Variants in DTWD1 observed in about 807,000 individuals in gnomAD.
DTWD1 encodes the protein tRNA-uridine aminocarboxypropyltransferase 1.
A neutral mutation model predicts 30.2 loss-of-function variants in DTWD1; 27 were observed. The ratio of observed to expected loss-of-function variants is 0.90; its 90% CI spans 0.66 to 1.23. The LOEUF is 1.23. Among genes scored for constraint, DTWD1 ranks in the 50% most tolerant of loss-of-function variants. The pLI, the probability that DTWD1 is intolerant of heterozygous loss-of-function variation, is 0.00. For missense variants in DTWD1, 342 were observed against 348.8 expected, an observed-to-expected ratio of 0.98 and a Z score of 0.15; for synonymous variants, 99 against 113.1, an observed-to-expected ratio of 0.88 and a Z score of 0.79.
intron 3 of DTWD1, among the ~76,000 whole-genome samples, chr15:49,633,101 T>A (rs1428400273): frequency 7.0e-6 from 1 of 143,538 alleles, no homozygotes; most frequent in East Asian, 2.0e-4. Flanking sequence ...ATATAAAAAA[T>A]TATGTTTGTA....
rs891410400 is a variant in DTWD1 at position 49,625,186 on chromosome 15, A to G, written c.19A>G (p.Ile7Val). 5.0e-6 allele frequency: 8 copies of G among 1,613,284 alleles called. No homozygotes were observed. Among genetic ancestry groups the G allele is most frequent in the Non-Finnish European group, 6.8e-6 (8 of 1,179,556 alleles). The stretch of plus-strand genomic sequence containing the variant: ...ATGAAGAATGTCTCTCAATCCACCT[A>G]TATTTCTCAAACGAAGTGAAGAAAA... MSLNPP[I>V]FLKRSEENSS... The change falls in exon 2 of 5, where the codon ATA becomes GTA. Residue 7 changes from isoleucine (I) to valine (V), a missense_variant. Coordinates refer to ENST00000403028, the MANE Select transcript of DTWD1 (RefSeq NM_001144955.2).
chr15:49,634,263 C>T (rs2078970710), intron 3 of DTWD1, among the ~76,000 whole-genome samples: 1 of 151,994 alleles, frequency 6.6e-6, no homozygotes, highest in Non-Finnish European at 1.5e-5. Flanking sequence ...ATAATTTAGT[C>T]TTTTTATTTC....
At position 49,641,288 on chromosome 15, in the gene DTWD1, T is replaced by C. The variant is rs1381302481; in HGVS notation, c.668-2043T>C. Among the ~76,000 whole-genome samples the C allele has an allele frequency of 3.9e-5, 6 of 152,086 alleles. No individual in the cohort carries two copies. The East Asian group carries it at 1.2e-3, about 29-fold the overall frequency. On this transcript the variant is annotated intron_variant, in intron 4 of 4. Coordinates refer to ENST00000403028, the MANE Select transcript of DTWD1 (RefSeq NM_001144955.2). ...GTTTCTTTTTTTGATTGAGGTTTTT[T>C]CTTATTCTATTTTTATTCCTATTTC...
At chr15:49,629,838 G>A (rs2078895001) in intron 2 of DTWD1, 2 of 152,190 alleles carry the variant, frequency 1.3e-5, no homozygotes, top group South Asian at 4.1e-4. Context: ...TAAGCGGGGA[G>A]GGTAGGAGAT....
At chr15:49,624,791 A>G (rs1404702527) in intron 1 of DTWD1, among the ~76,000 whole-genome samples, 1 of 152,208 alleles carries the variant, frequency 6.6e-6, no homozygotes. Context: ...GTCAGAGCCA[A>G]CAGGGTTGAA....
chr15:49,625,255 A>G lies in DTWD1; in HGVS notation c.88A>G (p.Ile30Val), dbSNP rs757497021. The change falls in exon 2 of 5, where the codon ATA (isoleucine) becomes GTA (valine). Residue 30 changes from isoleucine to valine, a missense_variant. Transcript: ENST00000403028. The stretch of plus-strand genomic sequence containing the variant: ...AACAAAACAGTCACAAACTACTTCC[A>G]TAGCTTCAGAAGATCCCCTTCAAAA... ...VETKQSQTTS[I>V]ASEDPLQNLC... 3.7e-6 allele frequency: 6 copies of G among 1,613,446 alleles called. No homozygotes were observed. The African/African-American group carries it at 5.3e-5, about 14-fold the overall frequency.
In DTWD1 at chr15:49,655,769, C is replaced by T. The variant is rs1040895956; in HGVS notation, c.*12191C>T. 3.3e-5 allele frequency: 5 copies of T among 151,970 alleles called. No homozygotes were observed. Among genetic ancestry groups the T allele is most frequent in the African/African-American group, 7.2e-5 (3 of 41,394 alleles). The allele number at this position is 151,970 out of a possible 1,614,324, so 9.4% of individuals were successfully genotyped here. On this transcript the variant is annotated 3_prime_UTR_variant, in exon 5 of 5. Transcript: ENST00000403028. ...GCTTTTCTCATCTTTTCCCTGAGATCATTTATGATGTGGAAATTACTTTGC... is the reference window on the plus strand; with the variant it reads ...GCTTTTCTCATCTTTTCCCTGAGATTATTTATGATGTGGAAATTACTTTGC...
intron 3 of DTWD1, 74 bp from the exon 4 acceptor site, chr15:49,634,462 T>G: frequency 1.4e-6 from 2 of 1,454,530 alleles, no homozygotes; most frequent in South Asian, 3.1e-5. Context: ...TTTCTTAAAA[T>G]TTTAAGTCAA....
intron 2 of DTWD1, among the ~76,000 whole-genome samples, chr15:49,627,670 C>T (rs1691350891): frequency 1.3e-5 from 2 of 152,194 alleles, no homozygotes; most frequent in South Asian, 4.1e-4. Flanking sequence ...CACAGTTGTA[C>T]ACACAATGGT....
intron 2 of DTWD1, among the ~76,000 whole-genome samples, chr15:49,628,047 G>A (rs2078867981): frequency 6.6e-6 from 1 of 152,050 alleles, no homozygotes. Context: ...CTCTTATTCT[G>A]TAACCTTATT....
In DTWD1 at chr15:49,654,892, G is replaced by A. The variant is rs1301910751; in HGVS notation, c.*11314G>A. ...AATCCAAGATCAGAGTTTCAGCATG[G>A]TTAGGTGTTTAGTGGGCGCTCCCTT... On this transcript the variant is annotated 3_prime_UTR_variant, in exon 5 of 5. Coordinates refer to ENST00000403028, the MANE Select transcript of DTWD1 (RefSeq NM_001144955.2). 1.3e-5 allele frequency: 2 copies of A among 152,050 alleles called. No individual in the cohort carries two copies. Among genetic ancestry groups the A allele is most frequent in the Non-Finnish European group, 2.9e-5 (2 of 67,986 alleles). 9.4% of individuals were successfully genotyped at this position (152,050 alleles called of 1,614,324 possible). A position where few individuals can be genotyped will look rare whatever the true frequency, so the allele number is the denominator to read the frequency against.
chr15:49,648,064 T>A lies in DTWD1; in HGVS notation c.*4486T>A, dbSNP rs2079131412. ...GTTACATTGTATTTAATTAAAAACC[T>A]TAAGAGGAAAGGCAATAGAGCTTGT... is the stretch of plus-strand genomic sequence containing the variant. On this transcript the variant is annotated 3_prime_UTR_variant, in exon 5 of 5. Transcript: ENST00000403028. 1 of 152,116 alleles carries A rather than the reference T, an allele frequency of 6.6e-6. No homozygotes were observed. Among genetic ancestry groups the A allele is most frequent in the Non-Finnish European group, 1.5e-5 (1 of 68,010 alleles). 9.4% of individuals were successfully genotyped at this position (152,116 alleles called of 1,614,324 possible). A position where few individuals can be genotyped will look rare whatever the true frequency, so the allele number is the denominator to read the frequency against.
rs1199231191 is a variant in DTWD1, at chr15:49,649,966, T to A, written c.*6388T>A. The stretch of plus-strand genomic sequence containing the variant: ...TGCCAGTTTAAATAGCATGGTCAGA[T>A]GGAAAAGCCTGTGATAAGGTAAAAT... On this transcript the variant is annotated 3_prime_UTR_variant, in exon 5 of 5. Transcript: ENST00000403028. 6.6e-6 allele frequency: 1 copy of A among 151,982 alleles called. No homozygotes were observed. The highest frequency in any genetic ancestry group is 6.6e-5 in the Admixed American group (1 of 15,250). 9.4% of individuals were successfully genotyped at this position (151,982 alleles called of 1,614,324 possible). A position where few individuals can be genotyped will look rare whatever the true frequency, so the allele number is the denominator to read the frequency against.
In DTWD1 at chr15:49,632,307, G is replaced by T; in HGVS notation, c.408+5G>T. 6.4e-7 allele frequency: 1 copy of T among 1,572,714 alleles called. No individual in the cohort carries two copies. The highest frequency in any genetic ancestry group is 1.4e-5 in the African/African-American group (1 of 72,074). On this transcript the variant is annotated splice_donor_5th_base_variant and intron_variant, in intron 3 of 4. Coordinates refer to ENST00000403028, the MANE Select transcript of DTWD1 (RefSeq NM_001144955.2). Reference sequence around the variant, plus strand: ...TATGAAGAAAAGGACCATGAAGTAGGCAACTTAGTTTTTATAACTCTTCAC... The same window carrying T: ...TATGAAGAAAAGGACCATGAAGTAGTCAACTTAGTTTTTATAACTCTTCAC...
At chr15:49,626,950 T>C (rs2078852269) in intron 2 of DTWD1, 2 of 262,398 alleles carry the variant, frequency 7.6e-6, no homozygotes. Context: ...TTTTGAAGTA[T>C]GGTTTTTGAA....
chr15:49,634,736 A>G lies in DTWD1; in HGVS notation c.609A>G (p.Ile203Met). The change falls in exon 4 of 5, where the codon ATA becomes ATG. Residue 203 changes from isoleucine to methionine, a missense_variant. Coordinates refer to ENST00000403028, the MANE Select transcript of DTWD1 (RefSeq NM_001144955.2). ...AAGGCACAACACTGAAAAAAATTAT[A>G]TTTATAGATAGCACCTGGAACCAAA... ...KCKGTTLKKI[I>M]FIDSTWNQTN... 1.9e-6 allele frequency: 3 copies of G among 1,607,832 alleles called. No individual in the cohort carries two copies. Among genetic ancestry groups the G allele is most frequent in the South Asian group, 1.1e-5 (1 of 89,510 alleles).
rs139823690 is a variant in DTWD1, at chr15:49,636,243, A to G, written c.667+1449A>G. Among the ~76,000 whole-genome samples the G allele has an allele frequency of 1.1e-3, 164 of 151,014 alleles. 1 individual carries two copies. The highest frequency in any genetic ancestry group is 3.9e-3 in the African/African-American group (162 of 41,058). On this transcript the variant is annotated intron_variant, in intron 4 of 4. Transcript: ENST00000403028. Reference sequence around the variant, plus strand: ...GGATATGCTACAATTAGTGTTATCTATTTATCTGTTGATGGACATTTACAC... The same window carrying G: ...GGATATGCTACAATTAGTGTTATCTGTTTATCTGTTGATGGACATTTACAC...
At position 49,651,815 on chromosome 15, in the gene DTWD1, G is replaced by C. The variant is rs1200487228; in HGVS notation, c.*8237G>C. Reference sequence around the variant, plus strand: ...TATCAGATCCGGAAACCTATTTTATGGAAAACCAAGCGCAGGAGTGGACCC... The same window carrying C: ...TATCAGATCCGGAAACCTATTTTATCGAAAACCAAGCGCAGGAGTGGACCC... On this transcript the variant is annotated 3_prime_UTR_variant, in exon 5 of 5. Transcript: ENST00000403028. The C allele has an allele frequency of 6.6e-6, 1 of 152,024 alleles. No homozygotes were observed. Among genetic ancestry groups the C allele is most frequent in the African/African-American group, 2.4e-5 (1 of 41,408 alleles). The allele number at this position is 152,024 out of a possible 1,614,324, so 9.4% of individuals were successfully genotyped here.
In DTWD1 at chr15:49,655,350, C is replaced by T. The variant is rs926488334; in HGVS notation, c.*11772C>T. On this transcript the variant is annotated 3_prime_UTR_variant, in exon 5 of 5. Transcript: ENST00000403028. ...TTGATAACTGATACAACAGTCTTTT[C>T]GTTAGTAGAAGAGGGGGTAAGAAAG... The T allele has an allele frequency of 2.0e-5, 3 of 151,882 alleles. No individual in the cohort carries two copies. The highest frequency in any genetic ancestry group is 7.3e-5 in the African/African-American group (3 of 41,368). 9.4% of individuals were successfully genotyped at this position (151,882 alleles called of 1,614,324 possible). A position where few individuals can be genotyped will look rare whatever the true frequency, so the allele number is the denominator to read the frequency against.
Sources: gnomAD v4.1 joint callset for allele counts (sites outside exome capture counted in the v4.1 genomes callset) on GRCh38, gnomAD v4.1.1 for gene constraint, MANE v1.5 for transcripts, NCBI Gene and HGNC (gene_info 2026-07-23, HGNC 2026-07-21) for gene names.